Variants in RAB38 observed in about 807,000 individuals in gnomAD.
RAB38 encodes ras-related protein Rab-38.
In RAB38, 15 loss-of-function variants were observed where a neutral mutation model predicts 18.4. That is an observed-to-expected ratio of 0.82 (90% CI 0.55 to 1.26). The LOEUF is 1.26. Among genes scored for constraint, RAB38 ranks in the 50% most tolerant of loss-of-function variants. The probability of loss-of-function intolerance (pLI) is 0.00; values close to 1 mark genes in which losing one functional copy is unlikely to be tolerated. For synonymous variants in RAB38, 101 were observed against 104.4 expected (o/e 0.97, Z 0.20); for missense variants, 294 against 267.4 (o/e 1.10, Z -0.69).
chr11:87,847,748 C>T, the RAB38 span, among the ~76,000 whole-genome samples: 3 of 152,118 alleles, frequency 2.0e-5, no homozygotes, highest in East Asian at 1.9e-4. Flanking sequence ...ATCAATTTAA[C>T]GTCAGCAGCC....
chr11:88,133,571 T>C (rs955066599), intron 2 of RAB38, among the ~76,000 whole-genome samples: 1 of 152,174 alleles, frequency 6.6e-6, no homozygotes, highest in Non-Finnish European at 1.5e-5. Flanking sequence ...GACCTCCCAG[T>C]GACTTAAAAG....
At chr11:87,945,157 C>T in the RAB38 span, among the ~76,000 whole-genome samples, 42 of 152,100 alleles carry the variant, frequency 2.8e-4, no homozygotes, top group South Asian at 7.9e-3. Context: ...GGTTTTCTTT[C>T]GAGAGTAGAA....
the RAB38 span, among the ~76,000 whole-genome samples, chr11:87,878,222 T>TATATATATACATACAC: frequency 8.6e-6 from 1 of 116,154 alleles, no homozygotes; most frequent in Non-Finnish European, 1.7e-5. Context: ...TATATATATA[T>TATATATATACATACAC]ACACACATAT....
chr11:87,814,170 G>T, the RAB38 span, among the ~76,000 whole-genome samples: 1 of 152,176 alleles, frequency 6.6e-6, no homozygotes, highest in Non-Finnish European at 1.5e-5. Flanking sequence ...TCCCGAGTGG[G>T]ATGATGATTT....
At chr11:88,056,759 G>C in the RAB38 span, among the ~76,000 whole-genome samples, 14 of 151,918 alleles carry the variant, frequency 9.2e-5, no homozygotes, top group Admixed American at 5.2e-4. Context: ...AGCCAAGATC[G>C]CACCACTGCA....
the RAB38 span, among the ~76,000 whole-genome samples, chr11:87,831,977 T>G: frequency 0.029 from 4,446 of 152,276 alleles, 137 homozygotes; most frequent in African/African-American, 0.076. Flanking sequence ...ATGTCTACTA[T>G]GTGCCAAAGA....
the RAB38 span, among the ~76,000 whole-genome samples, chr11:88,024,851 G>A: frequency 7.7e-3 from 1,175 of 152,138 alleles, 16 homozygotes; most frequent in African/African-American, 0.027. Flanking sequence ...AGGATGGTTG[G>A]CAGAGAATGG....
the RAB38 span, among the ~76,000 whole-genome samples, chr11:88,081,994 CA>C: frequency 6.6e-6 from 1 of 151,760 alleles, no homozygotes; most frequent in Non-Finnish European, 1.5e-5. Context: ...TGAAAAATTC[CA>C]AACACAGAAA....
At chr11:87,909,900 T>C in the RAB38 span, among the ~76,000 whole-genome samples, 1 of 152,112 alleles carries the variant, frequency 6.6e-6, no homozygotes, top group Non-Finnish European at 1.5e-5. Context: ...TATAAACATA[T>C]GCATTAATTT....
the RAB38 span, among the ~76,000 whole-genome samples, chr11:87,911,077 C>G: frequency 3.3e-5 from 5 of 152,010 alleles, no homozygotes; most frequent in Admixed American, 3.3e-4. Flanking sequence ...CTAAAGTCAA[C>G]TGACCATATA....
At chr11:88,110,521 A>T (rs1942459707), downstream of RAB38, among the ~76,000 whole-genome samples, 1 of 152,054 alleles carries the variant, frequency 6.6e-6, no homozygotes, top group African/African-American at 2.4e-5. Flanking sequence ...TAAAGTATAA[A>T]AATAATAATA....
the RAB38 span, among the ~76,000 whole-genome samples, chr11:88,088,438 A>G: frequency 6.6e-6 from 1 of 151,892 alleles, no homozygotes; most frequent in African/African-American, 2.4e-5. Context: ...ACAATACCTG[A>G]TAAGGGCCAT....
chr11:87,901,920 CTGACT>C, the RAB38 span, among the ~76,000 whole-genome samples: 1 of 83,064 alleles, frequency 1.2e-5, no homozygotes, highest in African/African-American at 5.0e-5. Context: ...CTGTGTTTGG[CTGACT>C]TTTTTTTTTT....
chr11:88,102,691 G>A, the RAB38 span, among the ~76,000 whole-genome samples: 1 of 152,042 alleles, frequency 6.6e-6, no homozygotes, highest in Non-Finnish European at 1.5e-5. Flanking sequence ...TGAATATTAA[G>A]TAATAATGCT....
intron 1 of RAB38, chr11:88,174,174 G>A: frequency 1.2e-6 from 1 of 807,494 alleles, no homozygotes; most frequent in Non-Finnish European, 1.5e-6. Context: ...CGATGCAACT[G>A]AGCTGAAGAG....
the RAB38 span, among the ~76,000 whole-genome samples, chr11:88,008,121 T>A: frequency 7.9e-5 from 12 of 152,046 alleles, no homozygotes; most frequent in African/African-American, 2.7e-4. Flanking sequence ...AAAGAAAAAA[T>A]TCTATGTTGT....
chr11:88,100,897 A>G, the RAB38 span, among the ~76,000 whole-genome samples: 1 of 151,950 alleles, frequency 6.6e-6, no homozygotes. Context: ...TTTACCATTT[A>G]TCTTTACTGT....
chr11:87,945,207 T>G, the RAB38 span, among the ~76,000 whole-genome samples: 1 of 152,208 alleles, frequency 6.6e-6, no homozygotes, highest in Non-Finnish European at 1.5e-5. Flanking sequence ...GTATTGTATC[T>G]GATTATGACC....
At chr11:87,910,183 C>T in the RAB38 span, among the ~76,000 whole-genome samples, 2 of 151,268 alleles carry the variant, frequency 1.3e-5, no homozygotes, top group Non-Finnish European at 2.9e-5. Context: ...TGGTATCTTA[C>T]TATAGTTTCA....
Sources: gnomAD v4.1 joint callset for allele counts (sites outside exome capture counted in the v4.1 genomes callset) on GRCh38, gnomAD v4.1.1 for gene constraint, MANE v1.5 for transcripts, NCBI Gene and HGNC (gene_info 2026-07-23, HGNC 2026-07-21) for gene names.